The following MTHFD2L variants were observed in gnomAD, a reference collection of about 807,000 sequenced individuals.
MTHFD2L encodes methylenetetrahydrofolate dehydrogenase (NADP+ dependent) 2 like, also known as bifunctional methylenetetrahydrofolate dehydrogenase/cyclohydrolase 2, mitochondrial.
A neutral mutation model predicts 34.9 loss-of-function variants in MTHFD2L; 29 were observed. That is an observed-to-expected ratio of 0.83 (90% CI 0.62 to 1.13). MTHFD2L has a LOEUF of 1.13. Ranked by LOEUF, MTHFD2L falls within the 50% of genes most tolerant of loss-of-function variation. MTHFD2L has a pLI of 0.00. For missense variants in MTHFD2L, 481 were observed against 446.5 expected (o/e 1.08, Z -0.70); for synonymous variants, 167 against 155.7 (o/e 1.07, Z -0.54).
intron 1 of MTHFD2L, chr4:74,160,186 G>A (rs1725118653): frequency 1.1e-6 from 1 of 918,376 alleles, no homozygotes; most frequent in Non-Finnish European, 1.5e-6. Flanking sequence ...AGTTAATGTG[G>A]TTTAAGTCTG....
intron 1 of MTHFD2L, among the ~76,000 whole-genome samples, chr4:74,164,350 T>C (rs1726182240): frequency 6.6e-6 from 1 of 152,222 alleles, no homozygotes; most frequent in African/African-American, 2.4e-5. Flanking sequence ...AAGAGTATTT[T>C]GATACATAGA....
rs368421011 is a variant in MTHFD2L, at chr4:74,193,411, A to C, written c.452-6383A>C. On this transcript the variant is annotated intron_variant, in intron 3 of 7. Transcript: ENST00000325278. The stretch of plus-strand genomic sequence containing the variant: ...TATAAATCTTCTAACTCTGTTTTCA[A>C]GATTGCTTTGGATATTCTAAGTCCT... Among the ~76,000 whole-genome samples, 22 of 152,162 alleles carry C rather than the reference A, an allele frequency of 1.4e-4. No individual in the cohort carries two copies. In the East Asian group the frequency reaches 4.1e-3, roughly 28 times the overall value.
chr4:74,229,495 G>A (rs538217120), intron 6 of MTHFD2L, among the ~76,000 whole-genome samples: 31 of 152,076 alleles, frequency 2.0e-4, no homozygotes, highest in Non-Finnish European at 3.5e-4. Context: ...GTAGAAGGAG[G>A]AGGATTGCGT....
chr4:74,188,754 G>GTA (rs371516676), intron 3 of MTHFD2L, among the ~76,000 whole-genome samples: 349 of 10,014 alleles, frequency 0.035, 57 homozygotes, highest in Admixed American at 0.23. Flanking sequence ...ATATATATGG[G>GTA]TATATATATA....
chr4:74,248,253 C>G (rs1056488099), intron 6 of MTHFD2L, among the ~76,000 whole-genome samples: 1 of 152,140 alleles, frequency 6.6e-6, no homozygotes, highest in African/African-American at 2.4e-5. Context: ...TCTAGATTTT[C>G]TAGTTTATTT....
chr4:74,158,206 G>C lies in MTHFD2L; in HGVS notation c.68G>C (p.Arg23Thr). ...CTTGGCCGAGCGCCGGCGTTGGGCA[G>C]AAGCACAGCACCCTCCGTAAGGGCA... ...GRLGRAPALG[R>T]STAPSVRAPG... The change falls in exon 1 of 8, where the codon AGA becomes ACA. Residue 23 changes from arginine (R) to threonine (T), a missense_variant. Physicochemically the swap from Arg to Thr is moderately conservative, Grantham distance 71. Coordinates refer to ENST00000325278, the MANE Select transcript of MTHFD2L (RefSeq NM_001144978.3). 6.6e-7 allele frequency: 1 copy of C among 1,524,410 alleles called. No individual in the cohort carries two copies. Among genetic ancestry groups the C allele is most frequent in the Non-Finnish European group, 8.8e-7 (1 of 1,136,120 alleles). The allele number at this position is 1,524,410 out of a possible 1,614,324, so 94.4% of individuals were successfully genotyped here.
At chr4:74,123,337 A>G (rs76060885), upstream of MTHFD2L, 14 of 152,310 alleles carry the variant, frequency 9.2e-5, no homozygotes, top group East Asian at 2.7e-3. Flanking sequence ...CTGGAAAGAA[A>G]CAATCCAGTG....
In MTHFD2L at chr4:74,158,145, G is replaced by C. The variant is rs977467294; in HGVS notation, c.7G>C (p.Val3Leu). The C allele has an allele frequency of 6.5e-7, 1 of 1,530,638 alleles. No individual in the cohort carries two copies. Among genetic ancestry groups the C allele is most frequent in the Non-Finnish European group, 8.8e-7 (1 of 1,140,708 alleles). 94.8% of individuals were successfully genotyped at this position (1,530,638 alleles called of 1,614,324 possible). A position where few individuals can be genotyped will look rare whatever the true frequency, so the allele number is the denominator to read the frequency against. Residue 3 changes from valine to leucine, a missense_variant, in exon 1 of 8, where the codon GTG (valine) becomes CTG (leucine). Val to Leu is a conservative substitution (Grantham distance 32). Transcript: ENST00000325278. ...AAGCCGGGGATCCGCGGCCATGACG[G>C]TGCCGGTCCGCGGCTTCTCGCTGCT... MT[V>L]PVRGFSLLRG...
intron 7 of MTHFD2L, among the ~76,000 whole-genome samples, chr4:74,282,585 G>A (rs1297850655): frequency 6.6e-6 from 1 of 152,066 alleles, no homozygotes; most frequent in Non-Finnish European, 1.5e-5. Flanking sequence ...CCCTATATAT[G>A]TGAGATTCTA....
At chr4:74,234,267 A>C (rs1001210231) in intron 6 of MTHFD2L, among the ~76,000 whole-genome samples, 14 of 152,078 alleles carry the variant, frequency 9.2e-5, no homozygotes, top group Admixed American at 9.2e-4. Context: ...TATACCCAAA[A>C]GTGTATAAGA....
At chr4:74,221,985 G>T (rs1028854172) in intron 5 of MTHFD2L, among the ~76,000 whole-genome samples, 3 of 151,422 alleles carry the variant, frequency 2.0e-5, no homozygotes, top group Admixed American at 6.6e-5. Flanking sequence ...TTTTGTCTCC[G>T]ACCTGCTATT....
intron 1 of MTHFD2L, among the ~76,000 whole-genome samples, chr4:74,163,743 A>G (rs1415461581): frequency 5.3e-5 from 8 of 152,088 alleles, no homozygotes; most frequent in East Asian, 3.8e-4. Context: ...GGGGGGTTTC[A>G]TTTCTATTGT....
chr4:74,202,094 C>T lies in MTHFD2L; in HGVS notation c.712+724C>T, dbSNP rs140985603. The stretch of plus-strand genomic sequence containing the variant: ...TCCAGCTGAGCATCTGGGCCGCTTA[C>T]AGACTCCACGCACAGTGCTGTAAAC... On this transcript the variant is annotated intron_variant, in intron 5 of 7. Transcript: ENST00000325278. Among the ~76,000 whole-genome samples, 388 of 152,354 alleles carry T rather than the reference C, an allele frequency of 2.5e-3. 3 individuals are homozygous for T. Among genetic ancestry groups the T allele is most frequent in the African/African-American group, 8.8e-3 (366 of 41,574 alleles).
intron 6 of MTHFD2L, among the ~76,000 whole-genome samples, chr4:74,266,630 C>G (rs1048359683): frequency 6.6e-6 from 1 of 152,196 alleles, no homozygotes; most frequent in Admixed American, 6.5e-5. Context: ...CACCACTTCT[C>G]CAACTCTCCT....
At chr4:74,166,969 G>C (rs73827558) in intron 1 of MTHFD2L, among the ~76,000 whole-genome samples, 3,615 of 151,950 alleles carry the variant, frequency 0.024, 129 homozygotes, top group African/African-American at 0.081. Context: ...CACAGACTTG[G>C]GACCAGACCC....
At chr4:74,272,222 G>C (rs1470426986) in intron 6 of MTHFD2L, among the ~76,000 whole-genome samples, 1 of 152,128 alleles carries the variant, frequency 6.6e-6, no homozygotes. Flanking sequence ...AAATTAACAG[G>C]TGTGGGATCA....
chr4:74,134,142 C>T (rs2109813513), intron 1 of MTHFD2L, among the ~76,000 whole-genome samples: 1 of 152,274 alleles, frequency 6.6e-6, no homozygotes, highest in East Asian at 1.9e-4. Context: ...CCTGCCTTTG[C>T]CTTAAACCAC....
At chr4:74,122,588 C>T (rs1482413728), upstream of MTHFD2L, among the ~76,000 whole-genome samples, 1 of 152,166 alleles carries the variant, frequency 6.6e-6, no homozygotes, top group Non-Finnish European at 1.5e-5. Context: ...AGGTACACAA[C>T]AGCACCCTGG....
chr4:74,189,684 AAC>A (rs572164612), intron 3 of MTHFD2L, among the ~76,000 whole-genome samples: 2 of 151,926 alleles, frequency 1.3e-5, no homozygotes. Flanking sequence ...CATCTTTTTG[AAC>A]AGTTATTATC....
Sources: allele counts gnomAD v4.1 joint callset (sites outside exome capture counted in the v4.1 genomes callset), GRCh38; gene constraint gnomAD v4.1.1; transcripts MANE v1.5; gene names NCBI Gene and HGNC (gene_info 2026-07-23, HGNC 2026-07-21).